The following ACAD10 variants were observed in gnomAD, a reference collection of about 807,000 sequenced individuals.
ACAD10 encodes the protein acyl-CoA dehydrogenase family member 10.
A neutral mutation model predicts 116.8 loss-of-function variants in ACAD10; 112 were observed. The observed-to-expected ratio is 0.96, with a 90% CI of 0.82 to 1.12. ACAD10 has a LOEUF of 1.12. ACAD10 is among the 50% of genes most tolerant of loss of function. The pLI is 0.00. For synonymous variants in ACAD10, 486 were observed against 510.6 expected, an observed-to-expected ratio of 0.95 and a Z score of 0.65; for missense variants, 1,259 against 1,350.2, an observed-to-expected ratio of 0.93 and a Z score of 1.06.
intron 17 of ACAD10, 21 bp downstream of exon 17, chr12:111,748,496 T>A: frequency 6.2e-7 from 1 of 1,611,920 alleles, no homozygotes; most frequent in Non-Finnish European, 8.5e-7. Context: ...CAGGGGCGGG[T>A]CACCCCTGGG....
Position 111,733,715 on chromosome 12 carries a change from C to G in ACAD10, c.1395-208C>G, listed in dbSNP as rs566250942. 7 of 592,698 alleles carry G rather than the reference C, an allele frequency of 1.2e-5. No homozygotes were observed. The African/African-American group carries it at 1.3e-4, about 11-fold the overall frequency. 36.7% of individuals were successfully genotyped at this position (592,698 alleles called of 1,614,324 possible). On this transcript the variant is annotated intron_variant, in intron 10 of 20. Transcript: ENST00000313698. ...GGGAAATAAATAACCAGGCCCTTTC[C>G]CATCTCCTGCTTTTGATTGGCTGAG...
At position 111,702,222 on chromosome 12, in the gene ACAD10, G is replaced by C. The variant is rs774386907; in HGVS notation, c.248G>C (p.Gly83Ala). ...ATATTAAAGGCCTTGATGGAAGGTG[G>C]TGAAAATGGGCCCTGGATGAGATTT... is the stretch of plus-strand genomic sequence containing the variant. ...GTILKALMEG[G>A]ENGPWMRFMR... The change falls in exon 3 of 21, where the codon GGT (glycine) becomes GCT (alanine). Residue 83 changes from glycine to alanine, a missense_variant. Physicochemically the swap from Gly to Ala is moderately conservative, Grantham distance 60. Coordinates refer to ENST00000313698, the MANE Select transcript of ACAD10 (RefSeq NM_025247.6). 18 of 1,614,082 alleles carry C rather than the reference G, an allele frequency of 1.1e-5. No individual in the cohort carries two copies. The highest frequency in any genetic ancestry group is 1.5e-5 in the Non-Finnish European group (18 of 1,180,004).
Position 111,747,105 on chromosome 12 carries a change from C to T in ACAD10, c.2313C>T (p.Gly771=). The T allele has an allele frequency of 6.2e-7, 1 of 1,613,312 alleles. No homozygotes were observed. The highest frequency in any genetic ancestry group is 1.7e-5 in the Admixed American group (1 of 59,940). Residue 771 remains glycine (G), a synonymous_variant, in exon 15 of 21, where the codon GGC becomes GGT. Transcript: ENST00000313698. ...TGNMELLVRY[G]TEAQKARWLI... ...ACATGGAGCTGCTGGTGAGGTATGGCACCGAAGCGCAGAAGGCTCGCTGGC... is the reference window on the plus strand; with the variant it reads ...ACATGGAGCTGCTGGTGAGGTATGGTACCGAAGCGCAGAAGGCTCGCTGGC...
rs1014011584 is a variant in ACAD10 at position 111,735,605 on chromosome 12, A to G, written c.1541-1226A>G. On this transcript the variant is annotated intron_variant, in intron 11 of 20. Coordinates refer to ENST00000313698, the MANE Select transcript of ACAD10 (RefSeq NM_025247.6). ...TAAGTAGCTGGGACTACAGGCACCC[A>G]CCACCACGCCCGGCTAAATTTTTGT... Among the ~76,000 whole-genome samples the G allele has an allele frequency of 2.0e-5, 3 of 151,730 alleles. No homozygotes were observed. In the East Asian group the frequency reaches 5.9e-4, roughly 30 times the overall value.
chr12:111,717,030 GTC>G (rs2135961927), intron 7 of ACAD10, among the ~76,000 whole-genome samples: 1 of 152,256 alleles, frequency 6.6e-6, no homozygotes, highest in African/African-American at 2.4e-5. Flanking sequence ...TGCTTCGAAT[GTC>G]TGTTACTGCA....
intron 3 of ACAD10, among the ~76,000 whole-genome samples, chr12:111,704,230 C>T (rs750875556): frequency 3.3e-5 from 5 of 151,722 alleles, no homozygotes; most frequent in Non-Finnish European, 5.9e-5. Context: ...CAACCTCTGC[C>T]TCCCGGGTTC....
intron 1 of ACAD10, among the ~76,000 whole-genome samples, chr12:111,691,949 A>G (rs961025445): frequency 1.3e-5 from 2 of 151,776 alleles, no homozygotes; most frequent in Non-Finnish European, 2.9e-5. Flanking sequence ...TTTAAGGGCA[A>G]TGGGGAGCCA....
At position 111,712,662 on chromosome 12, in the gene ACAD10, G is replaced by A. The variant is rs775828166; in HGVS notation, c.850+5G>A. The A allele has an allele frequency of 4.5e-5, 73 of 1,612,856 alleles. No individual in the cohort carries two copies. The highest frequency in any genetic ancestry group is 6.0e-5 in the Non-Finnish European group (71 of 1,179,588). ...TACTGGGTATCCAGACCACAGGTAT[G>A]TGGGCTTCTTTCATGTTTTGGTAGC... On this transcript the variant is annotated splice_donor_5th_base_variant and intron_variant, in intron 6 of 20. Coordinates refer to ENST00000313698, the MANE Select transcript of ACAD10 (RefSeq NM_025247.6).
chr12:111,748,542 C>A, intron 17 of ACAD10, 67 bp downstream of exon 17: 1 of 1,577,756 alleles, frequency 6.3e-7, no homozygotes, highest in Non-Finnish European at 8.7e-7. Flanking sequence ...CACTGAGGGG[C>A]CCCTGCTCTT....
At chr12:111,700,168 A>C (rs57369943) in intron 2 of ACAD10, among the ~76,000 whole-genome samples, 2,309 of 152,050 alleles carry the variant, frequency 0.015, 68 homozygotes, top group African/African-American at 0.053. Flanking sequence ...AGCCTGGGCA[A>C]CACAGCAAGA....
chr12:111,747,781 T>C, intron 16 of ACAD10: 1 of 1,033,652 alleles, frequency 9.7e-7, no homozygotes, highest in Non-Finnish European at 1.2e-6. Context: ...TTGTCCAGTG[T>C]TACTTTTGCA....
chr12:111,756,163 G>T, intron 20 of ACAD10, 170 bp from the exon 21 acceptor site: 1 of 1,427,144 alleles, frequency 7.0e-7, no homozygotes, highest in Non-Finnish European at 9.1e-7. Flanking sequence ...GGGATGGCAG[G>T]TGTGGCCCCA....
intron 5 of ACAD10, chr12:111,710,172 C>T (rs150771041): frequency 0.016 from 6,034 of 382,566 alleles, 344 homozygotes; most frequent in African/African-American, 0.12. Context: ...TCACTGTAGC[C>T]TCAACCTCCT....
In ACAD10 at chr12:111,756,970, A is replaced by C. The variant is rs1313116283; in HGVS notation, c.*497A>C. 2.3e-6 allele frequency: 1 copy of C among 441,178 alleles called. No individual in the cohort carries two copies. Among genetic ancestry groups the C allele is most frequent in the Non-Finnish European group, 4.6e-6 (1 of 218,130 alleles). 27.3% of individuals were successfully genotyped at this position (441,178 alleles called of 1,614,324 possible). On this transcript the variant is annotated 3_prime_UTR_variant, in exon 21 of 21. Coordinates refer to ENST00000313698, the MANE Select transcript of ACAD10 (RefSeq NM_025247.6). ...CTGGGCGCCTGGGAAAATGGAATGC[A>C]ACCCACATTGTAAAGCCACTGGCAT...
At chr12:111,756,307 G>A (rs773214258) in intron 20 of ACAD10, 26 bp from the exon 21 acceptor site, 39 of 1,560,230 alleles carry the variant, frequency 2.5e-5, no homozygotes, top group Admixed American at 8.1e-5. Context: ...ACCCAGGGCC[G>A]CCTCCCTCCA....
intron 16 of ACAD10, 178 bp downstream of exon 16, chr12:111,747,563 T>C: frequency 7.0e-6 from 10 of 1,434,594 alleles, no homozygotes; most frequent in Non-Finnish European, 8.2e-6. Context: ...TGGAGCACAC[T>C]GTTCTCAGAG....
At chr12:111,693,020 T>G in intron 2 of ACAD10, 124 bp downstream of exon 2, 1 of 1,106,168 alleles carries the variant, frequency 9.0e-7, no homozygotes, top group Non-Finnish European at 1.3e-6. Flanking sequence ...GCTCTGGCTC[T>G]CGAGTCGAAT....
intron 12 of ACAD10, among the ~76,000 whole-genome samples, chr12:111,742,310 T>C (rs1027527089): frequency 2.0e-5 from 3 of 152,190 alleles, no homozygotes; most frequent in Non-Finnish European, 4.4e-5. Flanking sequence ...GGGAGTATCT[T>C]TCCCTTCAAT....
chr12:111,737,107 C>T, intron 12 of ACAD10, 103 bp downstream of exon 12: 3 of 1,095,542 alleles, frequency 2.7e-6, no homozygotes, highest in South Asian at 2.0e-5. Flanking sequence ...TTTGGAGAGA[C>T]CGATTTGGCC....
Sources: gnomAD v4.1 joint callset for allele counts (sites outside exome capture counted in the v4.1 genomes callset) on GRCh38, gnomAD v4.1.1 for gene constraint, MANE v1.5 for transcripts, NCBI Gene and HGNC (gene_info 2026-07-23, HGNC 2026-07-21) for gene names.